Variants in RANBP2 observed in about 807,000 individuals in gnomAD.
The protein encoded by RANBP2 is E3 SUMO-protein ligase RanBP2.
In RANBP2, 57 loss-of-function variants were observed where a neutral mutation model predicts 303.6. That is an observed-to-expected ratio of 0.19 (90% confidence interval 0.15 to 0.23). The LOEUF (loss-of-function observed/expected upper bound fraction) is 0.23, where lower values mean the gene tolerates loss of function less well. RANBP2 is among the 10% of genes least tolerant of loss of function. The pLI is 1.00. For synonymous variants in RANBP2, 1,167 were observed against 1,301.5 expected, an observed-to-expected ratio of 0.90 and a Z score of 2.23; for missense variants, 3,138 against 3,780.8, an observed-to-expected ratio of 0.83 and a Z score of 4.46.
At chr2:108,892,893 T>G in the RANBP2 span, among the ~76,000 whole-genome samples, 1 of 152,208 alleles carries the variant, frequency 6.6e-6, no homozygotes, top group Non-Finnish European at 1.5e-5. Flanking sequence ...GTATTCAAAG[T>G]GTGACTGTCT....
At chr2:108,883,762 C>T in the RANBP2 span, 1 of 152,276 alleles carries the variant, frequency 6.6e-6, no homozygotes, top group East Asian at 1.9e-4. Flanking sequence ...GGGCACAGTG[C>T]TTTGTGACTC....
the RANBP2 span, among the ~76,000 whole-genome samples, chr2:109,144,668 C>T: frequency 2.3e-4 from 35 of 152,222 alleles, no homozygotes; most frequent in African/African-American, 7.2e-4. Context: ...AGGTGTTCCC[C>T]GAGTCCTTAT....
At chr2:109,490,702 A>G in the RANBP2 span, 16 of 1,533,182 alleles carry the variant, frequency 1.0e-5, no homozygotes, top group Admixed American at 2.0e-4. Flanking sequence ...CACGACCCCC[A>G]GGTGGCCGTG....
At chr2:109,417,706 A>G in the RANBP2 span, among the ~76,000 whole-genome samples, 2 of 152,224 alleles carry the variant, frequency 1.3e-5, no homozygotes, top group Non-Finnish European at 2.9e-5. Flanking sequence ...GCACCCGCTC[A>G]TTCTGCCAGG....
chr2:108,906,172 G>T, the RANBP2 span: 3 of 835,974 alleles, frequency 3.6e-6, no homozygotes, highest in South Asian at 2.8e-5. Context: ...GTTTCCAGCG[G>T]CCATTCTGAC....
At chr2:109,727,360 CT>C in the RANBP2 span, among the ~76,000 whole-genome samples, 1 of 152,250 alleles carries the variant, frequency 6.6e-6, no homozygotes, top group Non-Finnish European at 1.5e-5. Context: ...TAGGTTTTAT[CT>C]TTCCTATTTT....
the RANBP2 span, among the ~76,000 whole-genome samples, chr2:108,943,278 C>T: frequency 6.6e-6 from 1 of 152,158 alleles, no homozygotes; most frequent in African/African-American, 2.4e-5. Context: ...GGGTCTGCTC[C>T]GACTCCAAAG....
At chr2:109,760,423 G>C in the RANBP2 span, 5 of 871,472 alleles carry the variant, frequency 5.7e-6, no homozygotes, top group Middle Eastern at 6.1e-4. Flanking sequence ...GGCGGCGGCG[G>C]CGGCGGCGCA....
the RANBP2 span, chr2:108,989,429 G>A: frequency 6.6e-6 from 1 of 152,480 alleles, no homozygotes; most frequent in Non-Finnish European, 1.5e-5. Flanking sequence ...GCAGGGGTGG[G>A]GGCCTTGCTT....
chr2:109,087,554 G>A, the RANBP2 span, among the ~76,000 whole-genome samples: 139 of 152,292 alleles, frequency 9.1e-4, no homozygotes, highest in Admixed American at 2.3e-3. Context: ...ACAGCATAAG[G>A]TCAAGGCCAG....
the RANBP2 span, among the ~76,000 whole-genome samples, chr2:109,092,543 A>G: frequency 6.6e-6 from 1 of 152,192 alleles, no homozygotes; most frequent in African/African-American, 2.4e-5. Flanking sequence ...CATTTCCATA[A>G]AACAGAAAAG....
chr2:109,343,041 A>C, the RANBP2 span, among the ~76,000 whole-genome samples: 1 of 152,154 alleles, frequency 6.6e-6, no homozygotes, highest in Non-Finnish European at 1.5e-5. Flanking sequence ...CCGCAGTGTG[A>C]GAAGTTCTTC....
At chr2:108,888,082 G>A in the RANBP2 span, among the ~76,000 whole-genome samples, 2 of 152,172 alleles carry the variant, frequency 1.3e-5, no homozygotes, top group Non-Finnish European at 2.9e-5. Flanking sequence ...GAGTGATGTT[G>A]AATTTTTTAA....
the RANBP2 span, among the ~76,000 whole-genome samples, chr2:109,044,833 G>A: frequency 2.6e-5 from 4 of 152,136 alleles, no homozygotes; most frequent in Non-Finnish European, 5.9e-5. Flanking sequence ...TATCTGAAAA[G>A]CAGGGCTTTA....
chr2:109,480,809 C>T, the RANBP2 span, among the ~76,000 whole-genome samples: 3 of 152,214 alleles, frequency 2.0e-5, no homozygotes, highest in Non-Finnish European at 4.4e-5. Context: ...ACCTCCGGCT[C>T]TCTCTAGCTG....
the RANBP2 span, among the ~76,000 whole-genome samples, chr2:109,233,738 TC>T: frequency 6.6e-6 from 1 of 152,232 alleles, no homozygotes; most frequent in Non-Finnish European, 1.5e-5. Context: ...ACCCTGGCAG[TC>T]CCACATCAGC....
chr2:109,340,678 C>T, the RANBP2 span, among the ~76,000 whole-genome samples: 1 of 152,136 alleles, frequency 6.6e-6, no homozygotes, highest in Non-Finnish European at 1.5e-5. Flanking sequence ...GTTTTTATAG[C>T]TCCTTTTTCA....
At chr2:108,896,206 A>G in the RANBP2 span, 1 of 152,340 alleles carries the variant, frequency 6.6e-6, no homozygotes, top group African/African-American at 2.4e-5. Flanking sequence ...GAGCTCTTCC[A>G]TTATTGACTG....
the RANBP2 span, among the ~76,000 whole-genome samples, chr2:109,221,022 A>G: frequency 0.054 from 7,985 of 148,986 alleles, 639 homozygotes; most frequent in African/African-American, 0.18. Context: ...GACAGATGAC[A>G]GGGTAAACAA....
Sources: allele counts gnomAD v4.1 joint callset (sites outside exome capture counted in the v4.1 genomes callset), GRCh38; gene constraint gnomAD v4.1.1; transcripts MANE v1.5; gene names NCBI Gene and HGNC (gene_info 2026-07-23, HGNC 2026-07-21).